SOX6: variants seen among roughly 807,000 people sequenced by gnomAD.
SOX6 encodes SRY-box transcription factor 6, also known as transcription factor SOX-6.
A neutral mutation model predicts 97.8 loss-of-function variants in SOX6; 11 were observed. The observed-to-expected ratio is 0.11, with a 90% CI of 0.07 to 0.19. SOX6 has a LOEUF of 0.19. Ranked by LOEUF, SOX6 falls within the 10% of genes least tolerant of loss-of-function variation. SOX6 has a pLI of 1.00. For missense variants in SOX6, 810 were observed against 1,039.5 expected (o/e 0.78, Z 3.04); for synonymous variants, 360 against 371.4 (o/e 0.97, Z 0.35).
In SOX6 at chr11:16,318,520, T is replaced by C. The variant is rs373465390; in HGVS notation, c.371A>G (p.Lys124Arg). 2.5e-6 allele frequency: 4 copies of C among 1,613,612 alleles called. No homozygotes were observed. Among genetic ancestry groups the C allele is most frequent in the African/African-American group, 1.3e-5 (1 of 74,832 alleles). ...GTCCACCACATCGGCAAGACTCCCTTTGCGGCGCTCTGGGGTTCCAAAAGT... is the reference window on the plus strand; with the variant it reads ...GTCCACCACATCGGCAAGACTCCCTCTGCGGCGCTCTGGGGTTCCAAAAGT... ...SVTFGTPERR[K>R]GSLADVVDTL... Residue 124 changes from lysine to arginine, a missense_variant, in exon 3 of 16, where the codon AAA becomes AGA. Lys to Arg is a conservative substitution (Grantham distance 26). Transcript: ENST00000683767.
At chr11:16,636,027 G>A (rs370420650) in intron 3 of SOX6, among the ~76,000 whole-genome samples, 16 of 152,212 alleles carry the variant, frequency 1.1e-4, no homozygotes, top group African/African-American at 3.9e-4. Context: ...GGAAATGTGG[G>A]GTCAGAGCCC....
At chr11:16,258,356 C>T (rs978036624) in intron 3 of SOX6, among the ~76,000 whole-genome samples, 2 of 59,758 alleles carry the variant, frequency 3.3e-5, no homozygotes, top group Non-Finnish European at 8.0e-5. Flanking sequence ...TACATCCAGA[C>T]AATGAAACAT....
At chr11:16,113,672 A>G (rs1237721239) in intron 6 of SOX6, among the ~76,000 whole-genome samples, 1 of 152,224 alleles carries the variant, frequency 6.6e-6, no homozygotes, top group Non-Finnish European at 1.5e-5. Context: ...TATGGCCCTA[A>G]TATGTACCTA....
At position 16,209,282 on chromosome 11, in the gene SOX6, G is replaced by A. The variant is rs1246568569; in HGVS notation, c.536-22327C>T. ...AAAGCTATAAAAATGAAAGCTTTTC[G>A]GGGGTCTTCATTAGCTTTTAAGACT... On this transcript the variant is annotated intron_variant, in intron 4 of 15. Transcript: ENST00000683767. 5.9e-5 allele frequency among the ~76,000 whole-genome samples: 9 copies of A among 152,000 alleles called. No individual in the cohort carries two copies. In the East Asian group the frequency reaches 9.7e-4, roughly 16 times the overall value.
intron 15 of SOX6, among the ~76,000 whole-genome samples, chr11:15,976,533 G>A (rs1244096894): frequency 3.3e-5 from 5 of 152,040 alleles, no homozygotes; most frequent in African/African-American, 1.2e-4. Context: ...TAAGTCTGGG[G>A]GAGCACCAAG....
At chr11:16,529,228 A>G (rs1311289769) in intron 4 of SOX6, among the ~76,000 whole-genome samples, 1 of 152,100 alleles carries the variant, frequency 6.6e-6, no homozygotes, top group African/African-American at 2.4e-5. Flanking sequence ...TTGTCTAACC[A>G]TCAGGTAAAT....
intron 2 of SOX6, among the ~76,000 whole-genome samples, chr11:16,338,263 A>C (rs1299537861): frequency 1.3e-5 from 2 of 152,084 alleles, no homozygotes; most frequent in Non-Finnish European, 2.9e-5. Context: ...TGATTTCATA[A>C]ACATGTTTTT....
At chr11:16,514,125 A>T (rs1295047375) in intron 4 of SOX6, among the ~76,000 whole-genome samples, 1 of 151,530 alleles carries the variant, frequency 6.6e-6, no homozygotes, top group African/African-American at 2.4e-5. Context: ...CTGAGGTGAG[A>T]GAATCGCTTC....
intron 2 of SOX6, among the ~76,000 whole-genome samples, chr11:16,725,501 A>C (rs1464503046): frequency 1.3e-5 from 2 of 152,088 alleles, no homozygotes; most frequent in Non-Finnish European, 2.9e-5. Context: ...CCTGTCTTAA[A>C]AAAAAAAGAA....
intron 4 of SOX6, among the ~76,000 whole-genome samples, chr11:16,233,928 A>T (rs1852934243): frequency 6.6e-6 from 1 of 150,706 alleles, no homozygotes; most frequent in Non-Finnish European, 1.5e-5. Context: ...AATCGCTTGA[A>T]CCTGGGAGGC....
chr11:16,090,856 T>C (rs117779452), intron 9 of SOX6, among the ~76,000 whole-genome samples: 1,580 of 152,170 alleles, frequency 0.01, 15 homozygotes, highest in Middle Eastern at 0.02. Context: ...TAGAATTGAC[T>C]GCTTACTGAG....
At chr11:16,417,911 ACT>A (rs1858955157) in intron 1 of SOX6, among the ~76,000 whole-genome samples, 1 of 152,006 alleles carries the variant, frequency 6.6e-6, no homozygotes, top group Admixed American at 6.6e-5. Flanking sequence ...TGTAACCAAC[ACT>A]CTCTCACTGG....
chr11:16,343,574 G>C (rs1009150965), intron 1 of SOX6, among the ~76,000 whole-genome samples: 8 of 151,904 alleles, frequency 5.3e-5, no homozygotes, highest in African/African-American at 1.9e-4. Flanking sequence ...TATGAGTTGA[G>C]TTTAAAGGAT....
intron 14 of SOX6, among the ~76,000 whole-genome samples, chr11:15,986,969 T>C (rs964665574): frequency 2.0e-4 from 30 of 152,342 alleles, no homozygotes; most frequent in African/African-American, 6.7e-4. Context: ...TAAGAAGTTA[T>C]AGCTTTAGAA....
At chr11:16,405,470 T>C (rs541291800) in intron 1 of SOX6, among the ~76,000 whole-genome samples, 2 of 152,120 alleles carry the variant, frequency 1.3e-5, no homozygotes, top group East Asian at 3.9e-4. Flanking sequence ...TTCAGATGAA[T>C]GGAGGGACGT....
At chr11:16,441,087 C>A (rs1453994419) in intron 1 of SOX6, among the ~76,000 whole-genome samples, 2 of 152,000 alleles carry the variant, frequency 1.3e-5, no homozygotes, top group South Asian at 4.2e-4. Flanking sequence ...CTATAGCCAC[C>A]CCTCATGTCA....
intron 4 of SOX6, among the ~76,000 whole-genome samples, chr11:16,534,129 A>G (rs72875213): frequency 0.23 from 35,490 of 152,102 alleles, 4,878 homozygotes; most frequent in Non-Finnish European, 0.3. Context: ...AGCAGAACCA[A>G]TAAGTCCAAT....
chr11:16,578,154 A>G (rs1179771187), intron 4 of SOX6, among the ~76,000 whole-genome samples: 2 of 152,116 alleles, frequency 1.3e-5, no homozygotes, highest in Non-Finnish European at 2.9e-5. Context: ...TTGTCTTGGC[A>G]CCATTTTTTG....
chr11:16,365,644 T>C (rs982816657), intron 1 of SOX6, among the ~76,000 whole-genome samples: 7 of 152,146 alleles, frequency 4.6e-5, no homozygotes, highest in African/African-American at 1.7e-4. Context: ...GAGGCTTTCT[T>C]TGTGACTGGA....
Sources: allele counts gnomAD v4.1 joint callset (sites outside exome capture counted in the v4.1 genomes callset), GRCh38; gene constraint gnomAD v4.1.1; transcripts MANE v1.5; gene names NCBI Gene and HGNC (gene_info 2026-07-23, HGNC 2026-07-21).